ADAM32: variants seen among roughly 807,000 people sequenced by gnomAD.
ADAM32 encodes ADAM metallopeptidase domain 32, also known as disintegrin and metalloproteinase domain-containing protein 32.
In ADAM32, 89 loss-of-function variants were observed where a neutral mutation model predicts 114.9. The observed-to-expected ratio is 0.77, with a 90% confidence interval of 0.65 to 0.92. ADAM32 has a LOEUF of 0.92. Ranked by LOEUF, ADAM32 falls within the 40% of genes least tolerant of loss-of-function variation. ADAM32 has a pLI of 0.00. For missense variants in ADAM32, 870 were observed against 932.8 expected, an observed-to-expected ratio of 0.93 and a Z score of 0.88; for synonymous variants, 285 against 307.5, an observed-to-expected ratio of 0.93 and a Z score of 0.77.
intron 22 of ADAM32, among the ~76,000 whole-genome samples, chr8:39,278,339 C>G (rs919277330): frequency 3.3e-5 from 5 of 152,046 alleles, no homozygotes; most frequent in Non-Finnish European, 5.9e-5. Flanking sequence ...TAGAAATTCT[C>G]TCTTTGGATG....
intron 11 of ADAM32, among the ~76,000 whole-genome samples, chr8:39,210,500 C>T (rs1808135923): frequency 6.6e-6 from 1 of 152,176 alleles, no homozygotes; most frequent in Admixed American, 6.5e-5. Context: ...CGTGCTCTTA[C>T]TCTGCCTCCT....
intron 10 of ADAM32, among the ~76,000 whole-genome samples, chr8:39,181,764 G>A (rs1399249517): frequency 1.3e-5 from 2 of 152,190 alleles, no homozygotes; most frequent in African/African-American, 4.8e-5. Context: ...TGAGTTAGAT[G>A]TGCTGGCTGG....
chr8:39,167,966 A>G (rs1804947214), intron 9 of ADAM32: 1 of 152,156 alleles, frequency 6.6e-6, no homozygotes, highest in Non-Finnish European at 1.5e-5. Context: ...TTCAAGGTAA[A>G]TGATCGTATC....
rs112652634 is a variant in ADAM32 at position 39,242,943 on chromosome 8, T to C, written c.1819-3140T>C. ...TAAATAAGCTCAATTAGAAATGAAA[T>C]GGGAGATATTACAACCTATAGCATA... On this transcript the variant is annotated intron_variant, in intron 16 of 24. Transcript: ENST00000379907. Among the ~76,000 whole-genome samples the C allele has an allele frequency of 5.7e-3, 871 of 152,092 alleles. 4 individuals are homozygous for C. The highest frequency in any genetic ancestry group is 0.019 in the African/African-American group (806 of 41,482).
At chr8:39,131,607 T>A (rs914751521) in intron 2 of ADAM32, among the ~76,000 whole-genome samples, 2 of 152,244 alleles carry the variant, frequency 1.3e-5, no homozygotes, top group African/African-American at 2.4e-5. Context: ...ATTTCTCCTT[T>A]CAGTTCTGTC....
chr8:39,113,598 C>T (rs1025997215), intron 1 of ADAM32, among the ~76,000 whole-genome samples: 4 of 152,114 alleles, frequency 2.6e-5, no homozygotes, highest in African/African-American at 9.7e-5. Context: ...CATGCTGCAA[C>T]CACTGGACCC....
At chr8:39,206,528 G>A (rs964960986) in intron 11 of ADAM32, among the ~76,000 whole-genome samples, 3 of 152,204 alleles carry the variant, frequency 2.0e-5, no homozygotes, top group Non-Finnish European at 4.4e-5. Context: ...GAAGGTAGAT[G>A]CAGGTACACA....
intron 1 of ADAM32, among the ~76,000 whole-genome samples, chr8:39,115,177 A>G (rs1028831809): frequency 2.0e-5 from 3 of 152,228 alleles, no homozygotes; most frequent in Non-Finnish European, 4.4e-5. Flanking sequence ...TGCAATGAAT[A>G]TACGTGTGCA....
chr8:39,260,785 C>T (rs1315507460), intron 19 of ADAM32, among the ~76,000 whole-genome samples: 4 of 152,004 alleles, frequency 2.6e-5, no homozygotes, highest in Non-Finnish European at 4.4e-5. Context: ...AAAGTGTTCC[C>T]TACTCTTCAG....
chr8:39,192,416 T>TGAG (rs1229412655), intron 11 of ADAM32, among the ~76,000 whole-genome samples: 3 of 152,206 alleles, frequency 2.0e-5, no homozygotes, highest in Non-Finnish European at 4.4e-5. Flanking sequence ...TCATTGTATG[T>TGAG]GAGATGGTTT....
chr8:39,186,847 A>G lies in ADAM32; in HGVS notation c.916-62A>G, dbSNP rs573808837. The G allele has an allele frequency of 3.9e-5, 53 of 1,355,852 alleles. No homozygotes were observed. The African/African-American group carries it at 5.6e-4, about 14-fold the overall frequency. 84.0% of individuals were successfully genotyped at this position (1,355,852 alleles called of 1,614,324 possible). On this transcript the variant is annotated intron_variant, in intron 10 of 24. Transcript: ENST00000379907. Reference sequence around the variant, plus strand: ...ATAATAAAATATTCATAATTAGAAAATTATTTTTACCACCCTTTAGAGAAT... The same window carrying G: ...ATAATAAAATATTCATAATTAGAAAGTTATTTTTACCACCCTTTAGAGAAT...
At chr8:39,174,137 G>A (rs900505329) in intron 10 of ADAM32, among the ~76,000 whole-genome samples, 11 of 152,106 alleles carry the variant, frequency 7.2e-5, no homozygotes, top group African/African-American at 2.4e-4. Context: ...CTTAATTTTT[G>A]TATAAGGTGT....
Position 39,254,437 on chromosome 8 carries a change from C to A in ADAM32, c.1926C>A (p.Cys642Ter). Residue 642 changes from cysteine (C) to a stop codon, truncating the protein, a stop_gained, in exon 18 of 25, where the codon TGC becomes TGA. Coordinates refer to ENST00000379907, the MANE Select transcript of ADAM32 (RefSeq NM_145004.7). LOFTEE classifies it high-confidence loss of function. ...AGGTGTGTGATTCCAGAAACAAGTG[C>A]CATTGTTCGCCAGGCTATAAGCCTC... Reference protein sequence around the residue: ...GHGVCDSRNKCHCSPGYKPPN... With the variant: ...GHGVCDSRNK The A allele has an allele frequency of 5.6e-6, 9 of 1,599,610 alleles. No individual in the cohort carries two copies. Among genetic ancestry groups the A allele is most frequent in the African/African-American group, 1.3e-5 (1 of 74,574 alleles).
intron 9 of ADAM32, chr8:39,169,065 A>G (rs956630878): frequency 1.3e-5 from 2 of 152,180 alleles, no homozygotes; most frequent in Non-Finnish European, 1.5e-5. Flanking sequence ...GACAGAATAA[A>G]AGTAGTGGAG....
At chr8:39,218,450 A>G (rs894771837) in intron 12 of ADAM32, among the ~76,000 whole-genome samples, 3 of 152,248 alleles carry the variant, frequency 2.0e-5, no homozygotes, top group Non-Finnish European at 4.4e-5. Flanking sequence ...CCTCCCCTTT[A>G]GGGAGCAAGT....
intron 11 of ADAM32, among the ~76,000 whole-genome samples, chr8:39,188,572 G>T (rs992859674): frequency 9.2e-5 from 14 of 152,078 alleles, no homozygotes; most frequent in African/African-American, 3.1e-4. Context: ...ATGTTCTAGA[G>T]ACCATTCCAA....
At chr8:39,247,342 C>A (rs1810993580) in intron 17 of ADAM32, among the ~76,000 whole-genome samples, 1 of 152,154 alleles carries the variant, frequency 6.6e-6, no homozygotes, top group Non-Finnish European at 1.5e-5. Context: ...GTCCCTGTTG[C>A]TCCACATCCA....
chr8:39,220,337 T>C (rs1010779522), intron 12 of ADAM32, among the ~76,000 whole-genome samples: 1 of 152,204 alleles, frequency 6.6e-6, no homozygotes, highest in East Asian at 1.9e-4. Flanking sequence ...CTTTGTTACA[T>C]ATAAGATGGA....
At chr8:39,267,563 C>T (rs1812445440) in intron 19 of ADAM32, among the ~76,000 whole-genome samples, 1 of 152,148 alleles carries the variant, frequency 6.6e-6, no homozygotes, top group African/African-American at 2.4e-5. Context: ...GAAACAAATG[C>T]TCAGTGCCGC....
Sources: allele counts gnomAD v4.1 joint callset (sites outside exome capture counted in the v4.1 genomes callset), GRCh38; gene constraint gnomAD v4.1.1; transcripts MANE v1.5; gene names NCBI Gene and HGNC (gene_info 2026-07-23, HGNC 2026-07-21).